The following EYA4 variants were observed in gnomAD, a reference collection of about 807,000 sequenced individuals.
EYA4 encodes protein phosphatase EYA4.
EYA4 carries 31 observed loss-of-function variants against 87.9 expected under a neutral mutation model. The ratio of observed to expected loss-of-function variants is 0.35; its 90% CI spans 0.27 to 0.48. EYA4 has a LOEUF of 0.48. Among genes scored for constraint, EYA4 ranks in the 20% least tolerant of loss-of-function variants. The pLI is 0.99. For missense variants in EYA4, 678 were observed against 761.4 expected (o/e 0.89, Z 1.29); for synonymous variants, 263 against 270.6 (o/e 0.97, Z 0.28).
chr6:133,262,843 T>A (rs1334100439), intron 1 of EYA4, among the ~76,000 whole-genome samples: 1 of 152,198 alleles, frequency 6.6e-6, no homozygotes, highest in Non-Finnish European at 1.5e-5. Flanking sequence ...TTGGCTCCAT[T>A]TAAGGAGCTT....
intron 10 of EYA4, among the ~76,000 whole-genome samples, chr6:133,467,602 A>G (rs1269772811): frequency 6.6e-6 from 1 of 152,106 alleles, no homozygotes; most frequent in Non-Finnish European, 1.5e-5. Context: ...GTTTTCTGCC[A>G]TATTACTTAA....
At chr6:133,346,296 G>A (rs73776030) in intron 2 of EYA4, among the ~76,000 whole-genome samples, 1,765 of 152,064 alleles carry the variant, frequency 0.012, 34 homozygotes, top group African/African-American at 0.041. Flanking sequence ...TAGTCATTCA[G>A]TTTTTTTTCC....
intron 4 of EYA4, 120 bp from the exon 5 acceptor site, chr6:133,447,991 T>G (rs1203481973): frequency 1.9e-5 from 14 of 737,750 alleles, no homozygotes; most frequent in Non-Finnish European, 3.2e-5. Flanking sequence ...AATGTTGAAG[T>G]CATACAGTGC....
At chr6:133,398,185 GA>G (rs1261227513) in intron 3 of EYA4, among the ~76,000 whole-genome samples, 3 of 152,190 alleles carry the variant, frequency 2.0e-5, no homozygotes, top group Non-Finnish European at 2.9e-5. Context: ...AATCGTGAAA[GA>G]AAGCTTATTT....
At chr6:133,496,677 G>C (rs1797672539) in intron 13 of EYA4, among the ~76,000 whole-genome samples, 1 of 152,162 alleles carries the variant, frequency 6.6e-6, no homozygotes, top group African/African-American at 2.4e-5. Context: ...TCTGAAAATG[G>C]TTATAATTCA....
chr6:133,276,753 A>G (rs1445335830), intron 2 of EYA4, among the ~76,000 whole-genome samples: 1 of 152,154 alleles, frequency 6.6e-6, no homozygotes, highest in Non-Finnish European at 1.5e-5. Flanking sequence ...TAGAACTGTT[A>G]AATGACTTGC....
At chr6:133,370,140 G>A (rs887755435) in intron 2 of EYA4, among the ~76,000 whole-genome samples, 1 of 152,172 alleles carries the variant, frequency 6.6e-6, no homozygotes, top group South Asian at 2.1e-4. Context: ...ACCTCTCAGA[G>A]CATTCTGTAA....
chr6:133,348,459 G>T (rs1344324793), intron 2 of EYA4, among the ~76,000 whole-genome samples: 1 of 151,570 alleles, frequency 6.6e-6, no homozygotes, highest in African/African-American at 2.4e-5. Flanking sequence ...CAGAGACGGG[G>T]TTTCACCATA....
At chr6:133,419,373 A>G (rs914364834) in intron 3 of EYA4, among the ~76,000 whole-genome samples, 2 of 152,204 alleles carry the variant, frequency 1.3e-5, no homozygotes, top group African/African-American at 4.8e-5. Flanking sequence ...CAAGATGTCA[A>G]TGGTGTTATC....
At chr6:133,446,879 G>A (rs1792897929) in intron 4 of EYA4, 125 bp downstream of exon 4, 1 of 954,496 alleles carries the variant, frequency 1.0e-6, no homozygotes, top group African/African-American at 1.7e-5. Context: ...TTATATCCAA[G>A]GTATATATAA....
intron 3 of EYA4, 44 bp from the exon 4 acceptor site, chr6:133,446,586 C>G: frequency 6.2e-7 from 1 of 1,611,156 alleles, no homozygotes. Context: ...TAAAAAATAA[C>G]TGCTGCAATT....
At chr6:133,433,892 A>G (rs559529713) in intron 3 of EYA4, among the ~76,000 whole-genome samples, 2 of 152,342 alleles carry the variant, frequency 1.3e-5, no homozygotes, top group South Asian at 4.1e-4. Context: ...GCTCTCAAGC[A>G]TCACATGGGA....
At chr6:133,510,165 A>G (rs1344475659) in intron 14 of EYA4, among the ~76,000 whole-genome samples, 1 of 152,222 alleles carries the variant, frequency 6.6e-6, no homozygotes, top group Non-Finnish European at 1.5e-5. Context: ...GCGAGTTAAT[A>G]TTTAATGTCA....
Position 133,376,476 on chromosome 6 carries a change from A to G in EYA4, c.34-5916A>G, listed in dbSNP as rs569906274. Among the ~76,000 whole-genome samples, 54 of 152,018 alleles carry G rather than the reference A, an allele frequency of 3.6e-4. 1 individual carries two copies. Among genetic ancestry groups the G allele is most frequent in the Admixed American group, 2.9e-3 (44 of 15,230 alleles). ...AGATCTTTTGAAAATGTCTTCTTAC[A>G]TTATTCTATTCTTTACATTTTTTAT... On this transcript the variant is annotated intron_variant, in intron 2 of 19. Transcript: ENST00000355286.
At chr6:133,505,535 G>A (rs375021017) in intron 13 of EYA4, among the ~76,000 whole-genome samples, 2 of 152,096 alleles carry the variant, frequency 1.3e-5, no homozygotes, top group Admixed American at 1.3e-4. Flanking sequence ...TTTGGATAGG[G>A]AGATTCCTCT....
chr6:133,449,651 T>C (rs1405935416), intron 5 of EYA4, among the ~76,000 whole-genome samples: 1 of 152,204 alleles, frequency 6.6e-6, no homozygotes, highest in Non-Finnish European at 1.5e-5. Context: ...TTACTTAAGC[T>C]CTCTGAGCTT....
chr6:133,504,625 G>A (rs1403654972), intron 13 of EYA4, among the ~76,000 whole-genome samples: 1 of 152,060 alleles, frequency 6.6e-6, no homozygotes, highest in Admixed American at 6.6e-5. Flanking sequence ...CATGGCTATA[G>A]AACACAGGAT....
chr6:133,390,292 T>A (rs748468608), intron 3 of EYA4, among the ~76,000 whole-genome samples: 7 of 152,124 alleles, frequency 4.6e-5, no homozygotes, highest in Non-Finnish European at 1.0e-4. Flanking sequence ...GAATCTCGGC[T>A]CACTGTATCC....
chr6:133,316,343 C>G (rs889013066), intron 2 of EYA4, among the ~76,000 whole-genome samples: 1 of 151,846 alleles, frequency 6.6e-6, no homozygotes, highest in Non-Finnish European at 1.5e-5. Flanking sequence ...AATTACAGTC[C>G]CCAAGGTAAA....
Sources: allele counts gnomAD v4.1 joint callset (sites outside exome capture counted in the v4.1 genomes callset), GRCh38; gene constraint gnomAD v4.1.1; transcripts MANE v1.5; gene names NCBI Gene and HGNC (gene_info 2026-07-23, HGNC 2026-07-21).